The following DMGDH variants were observed in gnomAD, a reference collection of about 807,000 sequenced individuals.
DMGDH encodes the protein dimethylglycine dehydrogenase, also known as dimethylglycine dehydrogenase, mitochondrial.
In DMGDH, 76 loss-of-function variants were observed where a neutral mutation model predicts 95.2. The observed-to-expected ratio is 0.80, with a 90% CI of 0.66 to 0.97. DMGDH has a LOEUF of 0.97. Ranked by LOEUF, DMGDH falls within the 50% of genes least tolerant of loss-of-function variation. The probability of loss-of-function intolerance (pLI) is 0.00; values close to 1 mark genes in which losing one functional copy is unlikely to be tolerated. For synonymous variants in DMGDH, 345 were observed against 377.6 expected (o/e 0.91, Z 1.00); for missense variants, 987 against 1,055.0 (o/e 0.94, Z 0.89).
chr5:79,051,834 T>C (rs146422767), intron 4 of DMGDH, among the ~76,000 whole-genome samples: 1 of 152,244 alleles, frequency 6.6e-6, no homozygotes, highest in African/African-American at 2.4e-5. Context: ...GTCAGGAAAT[T>C]TATGTTTGAT....
intron 7 of DMGDH, among the ~76,000 whole-genome samples, chr5:79,040,345 A>G (rs1031526152): frequency 6.6e-6 from 1 of 152,254 alleles, no homozygotes; most frequent in Non-Finnish European, 1.5e-5. Flanking sequence ...AGATGCCAGC[A>G]TAATTCAATG....
Position 79,069,629 on chromosome 5 carries a change from C to A in DMGDH, c.-9G>T. 2.2e-6 allele frequency: 3 copies of A among 1,362,114 alleles called. No homozygotes were observed. The highest frequency in any genetic ancestry group is 2.8e-6 in the Non-Finnish European group (3 of 1,057,550). 84.4% of individuals were successfully genotyped at this position (1,362,114 alleles called of 1,614,324 possible). ...GCGCCGGGACGGAGCATGACTAGGC[C>A]GAGGCCGAGGGCGCAGGCGCCTGCT... On this transcript the variant is annotated 5_prime_UTR_variant, in exon 1 of 16. Coordinates refer to ENST00000255189, the MANE Select transcript of DMGDH (RefSeq NM_013391.3).
chr5:78,998,433 G>A (rs1332365554), intron 15 of DMGDH, 136 bp from the exon 16 acceptor site: 6 of 766,994 alleles, frequency 7.8e-6, no homozygotes, highest in South Asian at 3.1e-5. Flanking sequence ...GGGGGACAAC[G>A]CCAGAGACAC....
chr5:79,056,579 C>T (rs111714316), intron 2 of DMGDH, among the ~76,000 whole-genome samples: 3,670 of 149,036 alleles, frequency 0.025, 151 homozygotes, highest in African/African-American at 0.086. Flanking sequence ...GGAGGCCAGG[C>T]GTGGTGGCTC....
intron 14 of DMGDH, among the ~76,000 whole-genome samples, chr5:79,010,819 G>C (rs1431083268): frequency 6.6e-6 from 1 of 152,184 alleles, no homozygotes; most frequent in Non-Finnish European, 1.5e-5. Flanking sequence ...GTGGAATCAG[G>C]CTACTGTGTC....
intron 1 of DMGDH, among the ~76,000 whole-genome samples, chr5:79,066,862 T>C (rs1292863630): frequency 2.0e-5 from 3 of 152,220 alleles, no homozygotes; most frequent in Non-Finnish European, 4.4e-5. Context: ...ATGTGAAGTG[T>C]TACTTTGAGA....
chr5:79,047,930 A>C (rs765081241), intron 5 of DMGDH, among the ~76,000 whole-genome samples: 5 of 152,098 alleles, frequency 3.3e-5, no homozygotes, highest in African/African-American at 4.8e-5. Context: ...GGTGATTCTT[A>C]CTCACACTAG....
chr5:79,028,757 C>G, intron 11 of DMGDH, 107 bp from the exon 12 acceptor site: 1 of 1,226,162 alleles, frequency 8.2e-7, no homozygotes. Context: ...ATCAGAAAGT[C>G]CCCAGAGTGT....
chr5:79,040,942 C>T (rs1235878650), intron 7 of DMGDH, among the ~76,000 whole-genome samples: 1 of 152,178 alleles, frequency 6.6e-6, no homozygotes, highest in Non-Finnish European at 1.5e-5. Flanking sequence ...AAATCTCCAT[C>T]TGACTTTCTC....
chr5:79,030,662 A>AG (rs1754138667), intron 10 of DMGDH, 171 bp downstream of exon 10: 1 of 707,918 alleles, frequency 1.4e-6, no homozygotes, highest in Non-Finnish European at 2.2e-6. Flanking sequence ...AAAAAAAAAA[A>AG]AAAAGAAAAG....
At chr5:79,067,885 A>C (rs969151410) in intron 1 of DMGDH, among the ~76,000 whole-genome samples, 7 of 152,190 alleles carry the variant, frequency 4.6e-5, no homozygotes, top group African/African-American at 1.7e-4. Context: ...TGGGTATATA[A>C]AGAATATGCA....
chr5:79,026,459 G>C lies in DMGDH; in HGVS notation c.2155C>G (p.Arg719Gly), dbSNP rs113405129. Reference protein sequence around the residue: ...NFGTYAMNALRLEKAFRAWGL... With the variant: ...NFGTYAMNALGLEKAFRAWGL... Reference sequence around the variant, plus strand: ...CAGGCTCTGAAGGCTTTCTCCAGGCGTAAGGCATTCATGGCATAGGTTCCA... The same window carrying C: ...CAGGCTCTGAAGGCTTTCTCCAGGCCTAAGGCATTCATGGCATAGGTTCCA... The change falls in exon 13 of 16, where the codon CGC becomes GGC. Residue 719 changes from arginine (R) to glycine (G), a missense_variant. Coordinates refer to ENST00000255189, the MANE Select transcript of DMGDH (RefSeq NM_013391.3). The C allele has an allele frequency of 6.2e-7, 1 of 1,614,112 alleles. No individual in the cohort carries two copies. Among genetic ancestry groups the C allele is most frequent in the Non-Finnish European group, 8.5e-7 (1 of 1,180,010 alleles).
intron 5 of DMGDH, among the ~76,000 whole-genome samples, chr5:79,050,267 AAAAAAAAT>A (rs1443051609): frequency 6.4e-5 from 3 of 46,882 alleles, no homozygotes; most frequent in Non-Finnish European, 1.2e-4. Flanking sequence ...AAAAAAAAAA[AAAAAAAAT>A]ATATATATAT....
chr5:79,041,766 G>A (rs1246930469), intron 7 of DMGDH, among the ~76,000 whole-genome samples: 1 of 152,020 alleles, frequency 6.6e-6, no homozygotes, highest in Non-Finnish European at 1.5e-5. Flanking sequence ...AGGCTGAGGT[G>A]GGCAGATTGC....
At chr5:79,014,489 C>T (rs1753694610) in intron 14 of DMGDH, among the ~76,000 whole-genome samples, 1 of 152,120 alleles carries the variant, frequency 6.6e-6, no homozygotes, top group Non-Finnish European at 1.5e-5. Context: ...TTAAGCATAG[C>T]ACTTAAGCCT....
In DMGDH at chr5:79,006,215, CAA is replaced by C. The variant is rs56141633; in HGVS notation, c.2251-810_2251-809del. Among the ~76,000 whole-genome samples the C allele has an allele frequency of 2.5e-3, 318 of 127,736 alleles. 1 individual carries two copies. The highest frequency in any genetic ancestry group is 4.4e-3 in the African/African-American group (131 of 29,556). The allele number at this position is 127,736 out of a possible 152,430, so 83.8% of individuals were successfully genotyped here. A position where few individuals can be genotyped will look rare whatever the true frequency, so the allele number is the denominator to read the frequency against. ...ACCTTGAATTCATTCTTATGTGTTA[CAA>C]AAAAAAAAAAAAAAGTAGGAATCAG... On this transcript the variant is annotated intron_variant, in intron 14 of 15. Coordinates refer to ENST00000255189, the MANE Select transcript of DMGDH (RefSeq NM_013391.3).
chr5:79,007,896 T>C (rs1647810936), intron 14 of DMGDH, among the ~76,000 whole-genome samples: 1 of 152,226 alleles, frequency 6.6e-6, no homozygotes. Flanking sequence ...GAACATGATC[T>C]TGGGCCCAGT....
chr5:79,069,443 CCT>C, intron 1 of DMGDH, 75 bp downstream of exon 1: 1 of 876,862 alleles, frequency 1.1e-6, no homozygotes, highest in East Asian at 3.3e-5. Flanking sequence ...GCTCCTAACC[CCT>C]GAGCCTGCCT....
intron 15 of DMGDH, among the ~76,000 whole-genome samples, chr5:79,002,969 C>A (rs1753479069): frequency 6.6e-6 from 1 of 152,140 alleles, no homozygotes; most frequent in African/African-American, 2.4e-5. Context: ...GCAGTATATG[C>A]ATAGGGCAAA....
Sources: allele counts gnomAD v4.1 joint callset (sites outside exome capture counted in the v4.1 genomes callset), GRCh38; gene constraint gnomAD v4.1.1; transcripts MANE v1.5; gene names NCBI Gene and HGNC (gene_info 2026-07-23, HGNC 2026-07-21).